The following RHPN1 variants were observed in gnomAD, a reference collection of about 807,000 sequenced individuals.
RHPN1 encodes the protein rhophilin-1.
A neutral mutation model predicts 74.7 loss-of-function variants in RHPN1; 77 were observed. The ratio of observed to expected loss-of-function variants is 1.03; its 90% CI spans 0.86 to 1.25. The LOEUF (loss-of-function observed/expected upper bound fraction) is 1.25, where lower values mean the gene tolerates loss of function less well. RHPN1 is among the 50% of genes most tolerant of loss of function. The pLI, the probability that RHPN1 is intolerant of heterozygous loss-of-function variation, is 0.00. For synonymous variants in RHPN1, 444 were observed against 414.5 expected (o/e 1.07, Z -0.87); for missense variants, 987 against 932.2 (o/e 1.06, Z -0.77).
intron 2 of RHPN1, 44 bp downstream of exon 2, chr8:143,375,712 G>C (rs776546421): frequency 3.5e-6 from 5 of 1,440,730 alleles, no homozygotes; most frequent in Non-Finnish European, 3.8e-6. Flanking sequence ...GGGCCCACCT[G>C]GGTGAGGGGG....
rs375796108 is a variant in RHPN1 at position 143,377,943 on chromosome 8, C to T, written c.382-326C>T. ...TGAGTGGCAGATGGCACCTGCCTCCCGGCCACGGGGATGAATAAGGAAACG... is the reference window on the plus strand; with the variant it reads ...TGAGTGGCAGATGGCACCTGCCTCCTGGCCACGGGGATGAATAAGGAAACG... On this transcript the variant is annotated intron_variant, in intron 4 of 14. Transcript: ENST00000289013. Among the ~76,000 whole-genome samples, 151 of 152,346 alleles carry T rather than the reference C, an allele frequency of 9.9e-4. 1 individual carries two copies. Among genetic ancestry groups the T allele is most frequent in the African/African-American group, 2.8e-3 (117 of 41,580 alleles).
chr8:143,371,101 G>T (rs1817791236), intron 1 of RHPN1, among the ~76,000 whole-genome samples: 1 of 152,174 alleles, frequency 6.6e-6, no homozygotes, highest in Admixed American at 6.5e-5. Context: ...AAGCACCAGT[G>T]CCTGGGTACC....
intron 9 of RHPN1, 38 bp from the exon 10 acceptor site, chr8:143,380,024 C>T (rs963152155): frequency 3.2e-6 from 5 of 1,543,206 alleles, no homozygotes; most frequent in Non-Finnish European, 4.4e-6. Context: ...ACTGCCAAGG[C>T]CCCCCCGCGC....
chr8:143,382,036 T>C, intron 14 of RHPN1, 68 bp downstream of exon 14: 1 of 1,430,276 alleles, frequency 7.0e-7, no homozygotes, highest in Non-Finnish European at 9.3e-7. Context: ...TGGGCCTGCC[T>C]TGGATGCTTG....
chr8:143,373,827 C>T (rs1274114975), intron 1 of RHPN1, among the ~76,000 whole-genome samples: 4 of 152,020 alleles, frequency 2.6e-5, no homozygotes, highest in Non-Finnish European at 4.4e-5. Flanking sequence ...TATAAGGACC[C>T]TTGTCACTGC....
rs753697900 is a variant in RHPN1 at position 143,379,525 on chromosome 8, G to A, written c.945+17G>A. The A allele has an allele frequency of 5.0e-5, 77 of 1,530,480 alleles. No homozygotes were observed. The highest frequency in any genetic ancestry group is 1.2e-4 in the Admixed American group (6 of 49,076). The allele number at this position is 1,530,480 out of a possible 1,614,324, so 94.8% of individuals were successfully genotyped here. On this transcript the variant is annotated intron_variant, in intron 8 of 14. Coordinates refer to ENST00000289013, the MANE Select transcript of RHPN1 (RefSeq NM_052924.3). ...GCCGCCCAGGTGAGCTCGGGCACCC[G>A]TGTCAGGATGCAGGGGGTGGGGCCG...
Position 143,381,623 on chromosome 8 carries a change from G to A in RHPN1, c.1540G>A (p.Val514Ile), listed in dbSNP as rs761413309. The A allele has an allele frequency of 8.1e-6, 13 of 1,610,128 alleles. No homozygotes were observed. The highest frequency in any genetic ancestry group is 3.4e-5 in the Admixed American group (2 of 59,618). The change falls in exon 13 of 15, where the codon GTC (valine) becomes ATC (isoleucine). Residue 514 changes from valine to isoleucine, a missense_variant. Coordinates refer to ENST00000289013, the MANE Select transcript of RHPN1 (RefSeq NM_052924.3). ...AKNRWRLVGP[V>I]HLTRGEGGFG... ...GAACCGGTGGCGGCTGGTGGGGCCC[G>A]TCCACCTGACCCGAGGAGAGGGCGG...
In RHPN1 at chr8:143,378,279, C is replaced by T; in HGVS notation, c.392C>T (p.Ser131Leu). 5.1e-6 allele frequency: 8 copies of T among 1,573,506 alleles called. No homozygotes were observed. Among genetic ancestry groups the T allele is most frequent in the Non-Finnish European group, 6.0e-6 (7 of 1,159,712 alleles). Residue 131 changes from serine (S) to leucine (L), a missense_variant, in exon 5 of 15, where the codon TCA becomes TTA. By Grantham distance (145) the Ser-to-Leu change is moderately radical (BLOSUM62 -2). Coordinates refer to ENST00000289013, the MANE Select transcript of RHPN1 (RefSeq NM_052924.3). ...CCTGCCCCCCATCAGGAGCTGATCT[C>T]AGTGCACTTTGGAGAGGACGGCGCC... ...DWSTPLKELI[S>L]VHFGEDGASY...
chr8:143,371,891 C>G (rs1207504011), intron 1 of RHPN1, among the ~76,000 whole-genome samples: 6 of 152,234 alleles, frequency 3.9e-5, no homozygotes, highest in African/African-American at 1.4e-4. Flanking sequence ...GCCCCTTCCA[C>G]TGGGCTCAAC....
chr8:143,375,307 C>T (rs1007049319), intron 1 of RHPN1, among the ~76,000 whole-genome samples: 1 of 152,198 alleles, frequency 6.6e-6, no homozygotes, highest in African/African-American at 2.4e-5. Flanking sequence ...TGACCCCCAT[C>T]ACGAGTCAGC....
At chr8:143,382,225 T>A (rs1335980220) in intron 14 of RHPN1, among the ~76,000 whole-genome samples, 2 of 152,166 alleles carry the variant, frequency 1.3e-5, no homozygotes, top group East Asian at 3.9e-4. Flanking sequence ...GGCCAGGCGC[T>A]CCATCCCAGA....
intron 11 of RHPN1, 23 bp from the exon 12 acceptor site, chr8:143,381,245 G>T (rs1409889928): frequency 3.1e-6 from 5 of 1,604,796 alleles, no homozygotes; most frequent in South Asian, 1.1e-5. Context: ...TCCCAGCTTA[G>T]CTCTGCTCTT....
rs769761619 is a variant in RHPN1, at chr8:143,381,614, G to T, written c.1531G>T (p.Val511Leu). The change falls in exon 13 of 15, where the codon GTG becomes TTG. Residue 511 changes from valine (V) to leucine (L), a missense_variant. By Grantham distance (32) the Val-to-Leu change is conservative (BLOSUM62 1). Transcript: ENST00000289013. ...CTCAGCCAAGAACCGGTGGCGGCTG[G>T]TGGGGCCCGTCCACCTGACCCGAGG... ...VFSAKNRWRL[V>L]GPVHLTRGEG... The T allele has an allele frequency of 5.0e-6, 8 of 1,610,382 alleles. No individual in the cohort carries two copies. The highest frequency in any genetic ancestry group is 2.2e-5 in the South Asian group (2 of 90,936).
At chr8:143,375,410 C>G in intron 1 of RHPN1, 143 bp from the exon 2 acceptor site, 1 of 586,360 alleles carries the variant, frequency 1.7e-6, no homozygotes, top group Non-Finnish European at 3.0e-6. Flanking sequence ...CCAGCCCCTC[C>G]CTGTGAGGCC....
Position 143,380,161 on chromosome 8 carries a change from A to T in RHPN1, c.1202A>T (p.Glu401Val), listed in dbSNP as rs1249848033. 4.5e-6 allele frequency: 7 copies of T among 1,542,590 alleles called. No homozygotes were observed. The highest frequency in any genetic ancestry group is 5.2e-6 in the Non-Finnish European group (6 of 1,144,706). ...CCTGTGCTGCCGCAGGAGCTGGAGG[A>T]GCGCAGGCAGCTTGGTAAGGCGCCC... ...RGPVLPQELE[E>V]RRQLGKAHLK... Residue 401 changes from glutamate (E) to valine (V), a missense_variant, in exon 10 of 15, where the codon GAG (glutamate) becomes GTG (valine). Coordinates refer to ENST00000289013, the MANE Select transcript of RHPN1 (RefSeq NM_052924.3).
intron 1 of RHPN1, among the ~76,000 whole-genome samples, chr8:143,373,940 C>T (rs530908277): frequency 6.6e-6 from 1 of 152,138 alleles, no homozygotes; most frequent in Non-Finnish European, 1.5e-5. Context: ...GGAGTCAGGA[C>T]TTGAACCTGT....
rs1266410118 is a variant in RHPN1, at chr8:143,379,528, T to C, written c.945+20T>C. ...GCCCAGGTGAGCTCGGGCACCCGTGTCAGGATGCAGGGGGTGGGGCCGAGC... is the reference window on the plus strand; with the variant it reads ...GCCCAGGTGAGCTCGGGCACCCGTGCCAGGATGCAGGGGGTGGGGCCGAGC... On this transcript the variant is annotated intron_variant, in intron 8 of 14. Transcript: ENST00000289013. 2.6e-6 allele frequency: 4 copies of C among 1,529,804 alleles called. No individual in the cohort carries two copies. The highest frequency in any genetic ancestry group is 3.5e-6 in the Non-Finnish European group (4 of 1,135,524). The allele number at this position is 1,529,804 out of a possible 1,614,324, so 94.8% of individuals were successfully genotyped here. A position where few individuals can be genotyped will look rare whatever the true frequency, so the allele number is the denominator to read the frequency against.
intron 3 of RHPN1, among the ~76,000 whole-genome samples, 198 bp downstream of exon 3, chr8:143,376,851 CGT>C (rs762857277): frequency 2.5e-3 from 202 of 79,280 alleles, no homozygotes; most frequent in Middle Eastern, 0.019. Flanking sequence ...TGTGTGTGTG[CGT>C]GTGTCTCTGT....
intron 1 of RHPN1, among the ~76,000 whole-genome samples, chr8:143,369,320 C>G (rs925438524): frequency 6.6e-6 from 1 of 152,202 alleles, no homozygotes; most frequent in Non-Finnish European, 1.5e-5. Context: ...TCGTGTCCCC[C>G]TTCTGGGCGG....
Sources: gnomAD v4.1 joint callset for allele counts (sites outside exome capture counted in the v4.1 genomes callset) on GRCh38, gnomAD v4.1.1 for gene constraint, MANE v1.5 for transcripts, NCBI Gene and HGNC (gene_info 2026-07-23, HGNC 2026-07-21) for gene names.